PRDM16: variants seen among roughly 807,000 people sequenced by gnomAD.
The protein encoded by PRDM16 is histone-lysine N-methyltransferase PRDM16.
Under a neutral mutation model 110.6 loss-of-function variants are expected in PRDM16, and 23 were observed. That is an observed-to-expected ratio of 0.21 (90% CI 0.15 to 0.29). PRDM16 has a LOEUF of 0.29. Ranked by LOEUF, PRDM16 falls within the 10% of genes least tolerant of loss-of-function variation. The pLI is 1.00. For missense variants in PRDM16, 1,615 were observed against 1,794.3 expected, an observed-to-expected ratio of 0.90 and a Z score of 1.81; for synonymous variants, 799 against 781.8, an observed-to-expected ratio of 1.02 and a Z score of -0.37.
chr1:3,102,834 C>G (rs547176316), intron 1 of PRDM16, among the ~76,000 whole-genome samples: 2 of 152,258 alleles, frequency 1.3e-5, no homozygotes, highest in South Asian at 2.1e-4. Context: ...TGTGGCTGCT[C>G]TCCTTCCTGC....
At chr1:3,409,764 T>G (rs1227949806) in intron 8 of PRDM16, among the ~76,000 whole-genome samples, 1 of 141,864 alleles carries the variant, frequency 7.0e-6, no homozygotes, top group Admixed American at 7.0e-5. Context: ...GGTGTGAGTG[T>G]GTGTGGTTGT....
chr1:3,410,186 T>G (rs1327143442), intron 8 of PRDM16, among the ~76,000 whole-genome samples: 2 of 152,056 alleles, frequency 1.3e-5, no homozygotes, highest in Non-Finnish European at 2.9e-5. Flanking sequence ...TAGATGTGTG[T>G]GTGTTCCTCC....
At chr1:3,404,712 C>T (rs1285928811) in intron 6 of PRDM16, 27 bp from the exon 7 acceptor site, 3 of 1,611,660 alleles carry the variant, frequency 1.9e-6, no homozygotes, top group Non-Finnish European at 2.5e-6. Flanking sequence ...TAGTCGGGCC[C>T]CGCAGTGAGC....
chr1:3,242,118 G>T (rs1034827273), intron 2 of PRDM16, among the ~76,000 whole-genome samples: 1 of 152,236 alleles, frequency 6.6e-6, no homozygotes, highest in African/African-American at 2.4e-5. Context: ...CCAGGCCAGC[G>T]CCAGGCCCCT....
Position 3,437,940 on chromosome 1 carries a change from T to G in PRDM16, c.*4129T>G, listed in dbSNP as rs1049384934. On this transcript the variant is annotated 3_prime_UTR_variant, in exon 17 of 17. Transcript: ENST00000270722. ...CGTGTGTGTATATGGACTTTGTCCC[T>G]TAAGGTCGATATAAAGAATCCTCGC... 5 of 219,512 alleles carry G rather than the reference T, an allele frequency of 2.3e-5. No homozygotes were observed. The Admixed American group carries it at 2.9e-4, about 13-fold the overall frequency. The allele number at this position is 219,512 out of a possible 1,614,324, so 13.6% of individuals were successfully genotyped here.
chr1:3,114,178 CACA>C (rs2100645931), intron 1 of PRDM16, among the ~76,000 whole-genome samples: 1 of 103,832 alleles, frequency 9.6e-6, no homozygotes, highest in Non-Finnish European at 1.9e-5. Context: ...CACACACGCA[CACA>C]CACGCACACA....
At chr1:3,181,807 CGGTCTTACACAT>C (rs1644207110) in intron 1 of PRDM16, among the ~76,000 whole-genome samples, 1 of 141,930 alleles carries the variant, frequency 7.0e-6, no homozygotes, top group East Asian at 2.0e-4. Context: ...GTCTTACACA[CGGTCTTACACAT>C]GCGGTCTTAC....
chr1:3,261,693 G>T (rs1052268221), intron 3 of PRDM16, among the ~76,000 whole-genome samples: 2 of 152,150 alleles, frequency 1.3e-5, no homozygotes, highest in Admixed American at 1.3e-4. Flanking sequence ...TACCCCTGGA[G>T]CCAGACCCCC....
intron 3 of PRDM16, among the ~76,000 whole-genome samples, chr1:3,337,526 A>G (rs1487573097): frequency 6.6e-6 from 1 of 152,154 alleles, no homozygotes; most frequent in Non-Finnish European, 1.5e-5. Context: ...GACATCATCA[A>G]GGGGACCATC....
intron 1 of PRDM16, among the ~76,000 whole-genome samples, chr1:3,130,924 G>A (rs1414800144): frequency 6.6e-6 from 1 of 152,030 alleles, no homozygotes; most frequent in East Asian, 1.9e-4. Context: ...TGCAGGTTGT[G>A]CCCTGTTCAG....
At chr1:3,409,132 TGA>T (rs1040216671) in intron 8 of PRDM16, among the ~76,000 whole-genome samples, 8 of 111,528 alleles carry the variant, frequency 7.2e-5, no homozygotes, top group Non-Finnish European at 1.6e-4. Flanking sequence ...TTGATGCATG[TGA>T]GTGTGTGAGT....
In PRDM16 at chr1:3,338,062, GACACGTGTGCATGCAC is replaced by G. The variant is rs531079654; in HGVS notation, c.439-47078_439-47063del. ...ATAGACATGCACACACATTCACACA[GACACGTGTGCATGCAC>G]ACACGTGTGCACACACATGAACATC... On this transcript the variant is annotated intron_variant, in intron 3 of 16. Transcript: ENST00000270722. Among the ~76,000 whole-genome samples, 112 of 152,298 alleles carry G rather than the reference GACACGTGTGCATGCAC, an allele frequency of 7.4e-4. 2 individuals are homozygous for G. The East Asian group carries it at 0.015, about 21-fold the overall frequency.
intron 1 of PRDM16, among the ~76,000 whole-genome samples, chr1:3,156,665 C>T (rs1290334281): frequency 2.0e-5 from 3 of 152,124 alleles, no homozygotes; most frequent in African/African-American, 7.2e-5. Flanking sequence ...ATTTTTTCTC[C>T]AGACCAGAGA....
intron 3 of PRDM16, among the ~76,000 whole-genome samples, chr1:3,332,304 A>C (rs558171654): frequency 6.6e-6 from 1 of 152,336 alleles, no homozygotes; most frequent in Admixed American, 6.5e-5. Flanking sequence ...ATTGTTTCTC[A>C]TACGTTTCAA....
At chr1:3,286,353 C>T (rs1557582170) in intron 3 of PRDM16, among the ~76,000 whole-genome samples, 1 of 152,236 alleles carries the variant, frequency 6.6e-6, no homozygotes, top group Non-Finnish European at 1.5e-5. Context: ...TCCCCACAGC[C>T]CGAAGGGCCG....
Position 3,382,963 on chromosome 1 carries a change from T to TC in PRDM16, c.439-2183dup, listed in dbSNP as rs1291927253. On this transcript the variant is annotated intron_variant, in intron 3 of 16. Coordinates refer to ENST00000270722, the MANE Select transcript of PRDM16 (RefSeq NM_022114.4). This position sits in a 1 kb window ranked among gnomAD's most constrained non-coding sequence, Gnocchi z 6.6. ...TACTCCATCGTTTGTATATTGAGCA[T>TC]CCCCCCGCCGCCAATGTTTTCCTCG... Among the ~76,000 whole-genome samples, 1 of 152,060 alleles carries TC rather than the reference T, an allele frequency of 6.6e-6. No individual in the cohort carries two copies. Among genetic ancestry groups the TC allele is most frequent in the African/African-American group, 2.4e-5 (1 of 41,396 alleles).
intron 1 of PRDM16, among the ~76,000 whole-genome samples, chr1:3,118,042 A>G (rs10909878): frequency 0.061 from 9,296 of 151,166 alleles, 388 homozygotes; most frequent in Admixed American, 0.11. Flanking sequence ...GTGTGTGTGC[A>G]TGCTCATGCT....
At chr1:3,177,662 G>A (rs1644105365) in intron 1 of PRDM16, among the ~76,000 whole-genome samples, 2 of 152,228 alleles carry the variant, frequency 1.3e-5, no homozygotes, top group South Asian at 4.1e-4. Flanking sequence ...CTGATTAGAG[G>A]CTGATTGCTC....
At position 3,144,605 on chromosome 1, in the gene PRDM16, C is replaced by A. The variant is rs543031153; in HGVS notation, c.38-41520C>A. ...CTCTCTGTACCTGCCAGTTGTAGAC[C>A]CCACAGCACCCTGCGAGATGGTGCT... On this transcript the variant is annotated intron_variant, in intron 1 of 16. Transcript: ENST00000270722. 7.9e-5 allele frequency among the ~76,000 whole-genome samples: 12 copies of A among 152,254 alleles called. No homozygotes were observed. The South Asian group carries it at 2.3e-3, about 29-fold the overall frequency.
Sources: allele counts gnomAD v4.1 joint callset (sites outside exome capture counted in the v4.1 genomes callset), GRCh38; gene constraint gnomAD v4.1.1; non-coding constraint Gnocchi (gnomAD v3.1); transcripts MANE v1.5; gene names NCBI Gene and HGNC (gene_info 2026-07-23, HGNC 2026-07-21).